RAB44: variants seen among roughly 807,000 people sequenced by gnomAD.
The protein encoded by RAB44 is RAB44, member RAS oncogene family.
A neutral mutation model predicts 93.3 loss-of-function variants in RAB44; 67 were observed. The ratio of observed to expected loss-of-function variants is 0.72; its 90% CI spans 0.59 to 0.88. RAB44 has a LOEUF of 0.88. Ranked by LOEUF, RAB44 falls within the 40% of genes least tolerant of loss-of-function variation. RAB44 has a pLI of 0.00. For synonymous variants in RAB44, 427 were observed against 520.3 expected, an observed-to-expected ratio of 0.82 and a Z score of 2.44; for missense variants, 1,064 against 1,261.7, an observed-to-expected ratio of 0.84 and a Z score of 2.37.
intron 2 of RAB44, among the ~76,000 whole-genome samples, chr6:36,709,110 AT>A (rs199524040): frequency 0.011 from 1,604 of 150,234 alleles, 15 homozygotes; most frequent in Non-Finnish European, 0.018. Context: ...ACCTCTGGCT[AT>A]TTTTTTTTAT....
At chr6:36,719,102 G>T (rs1763004943) in intron 7 of RAB44, among the ~76,000 whole-genome samples, 1 of 152,282 alleles carries the variant, frequency 6.6e-6, no homozygotes, top group African/African-American at 2.4e-5. Flanking sequence ...TGTATTTTTA[G>T]TAGAGATGGG....
intron 7 of RAB44, among the ~76,000 whole-genome samples, chr6:36,719,556 G>A (rs1212185111): frequency 6.6e-6 from 1 of 152,226 alleles, no homozygotes; most frequent in African/African-American, 2.4e-5. Flanking sequence ...ATCTAGTCAG[G>A]GAGACAGGTG....
At chr6:36,727,323 G>A (rs938045614) in intron 10 of RAB44, among the ~76,000 whole-genome samples, 2 of 152,196 alleles carry the variant, frequency 1.3e-5, no homozygotes, top group African/African-American at 4.8e-5. Flanking sequence ...TTGCCTCTGG[G>A]GAGGGGGACT....
At position 36,721,579 on chromosome 6, in the gene RAB44, G is replaced by A. The variant is rs1763082743; in HGVS notation, c.1445G>A (p.Trp482Ter). Reference sequence around the variant, plus strand: ...TCCACACCCGAGGGCCGCCTCCTCTGGGGTCTCTCAGGAAGCCTGGTGGCA... The same window carrying A: ...TCCACACCCGAGGGCCGCCTCCTCTAGGGTCTCTCAGGAAGCCTGGTGGCA... Reference protein sequence around the residue: ...PGSTPEGRLLWGLSGSLVAPA... With the variant: ...PGSTPEGRLL Residue 482 changes from tryptophan (W) to a stop codon, truncating the protein, a stop_gained, in exon 9 of 14, where the codon TGG becomes TAG. Transcript: ENST00000612677. LOFTEE classifies it high-confidence loss of function. The A allele has an allele frequency of 2.4e-6, 3 of 1,234,442 alleles. No individual in the cohort carries two copies. Among genetic ancestry groups the A allele is most frequent in the South Asian group, 4.1e-5 (1 of 24,410 alleles). The allele number at this position is 1,234,442 out of a possible 1,614,324, so 76.5% of individuals were successfully genotyped here. A position where few individuals can be genotyped will look rare whatever the true frequency, so the allele number is the denominator to read the frequency against.
chr6:36,704,943 A>G (rs1762607607), intron 2 of RAB44, among the ~76,000 whole-genome samples: 1 of 152,046 alleles, frequency 6.6e-6, no homozygotes, highest in Non-Finnish European at 1.5e-5. Context: ...AACATGGTGA[A>G]ACCCCGTCTC....
intron 1 of RAB44, among the ~76,000 whole-genome samples, chr6:36,698,292 A>G (rs1046110914): frequency 1.3e-5 from 2 of 152,148 alleles, no homozygotes; most frequent in Non-Finnish European, 2.9e-5. Context: ...ATTTACAGCT[A>G]TTGAAGCCAG....
Position 36,722,703 on chromosome 6 carries a change from T to C in RAB44, c.2569T>C (p.Ser857Pro). 1 of 1,550,566 alleles carries C rather than the reference T, an allele frequency of 6.4e-7. No individual in the cohort carries two copies. The highest frequency in any genetic ancestry group is 8.7e-7 in the Non-Finnish European group (1 of 1,146,984). ...CTTCCTGCACCTGCTGCACCAGAATTCTTTCGCCACCGGATTGACAGCTAC... is the reference window on the plus strand; with the variant it reads ...CTTCCTGCACCTGCTGCACCAGAATCCTTTCGCCACCGGATTGACAGCTAC... ...TSFLHLLHQN[S>P]FATGLTATVG... Residue 857 changes from serine to proline, a missense_variant, in exon 9 of 14, where the codon TCT becomes CCT. Coordinates refer to ENST00000612677, the MANE Select transcript of RAB44 (RefSeq NM_001257357.2).
Position 36,717,778 on chromosome 6 carries a change from C to T in RAB44, c.642-250C>T, listed in dbSNP as rs998853172. On this transcript the variant is annotated intron_variant, in intron 5 of 13. Coordinates refer to ENST00000612677, the MANE Select transcript of RAB44 (RefSeq NM_001257357.2). This position sits in a 1 kb window ranked among gnomAD's most constrained non-coding sequence, Gnocchi z 4.1. ...GATGGGGTGATGGGGACAATGAGAC[C>T]CTGGCCAGGGGAACTGGTGACGGTT... 2.9e-5 allele frequency among the ~76,000 whole-genome samples: 2 copies of T among 68,002 alleles called. No homozygotes were observed. The highest frequency in any genetic ancestry group is 7.5e-5 in the African/African-American group (2 of 26,646). 44.6% of individuals were successfully genotyped at this position (68,002 alleles called of 152,430 possible). A position where few individuals can be genotyped will look rare whatever the true frequency, so the allele number is the denominator to read the frequency against.
At chr6:36,727,101 C>T (rs1047975179) in intron 10 of RAB44, among the ~76,000 whole-genome samples, 2 of 151,820 alleles carry the variant, frequency 1.3e-5, no homozygotes, top group South Asian at 2.1e-4. Context: ...GTGCCCAGCC[C>T]GATAGGGAAA....
At position 36,724,182 on chromosome 6, in the gene RAB44, T is replaced by TA. The variant is rs1475005948; in HGVS notation, c.2599+1449_2599+1450insA. Among the ~76,000 whole-genome samples, 261 of 149,384 alleles carry TA rather than the reference T, an allele frequency of 1.7e-3. 1 individual carries two copies. Among genetic ancestry groups the TA allele is most frequent in the African/African-American group, 6.1e-3 (247 of 40,182 alleles). Reference sequence around the variant, plus strand: ...TTATTTATTTATTTATTTATTTATTTTTTGAGATGGAGTCTCGCCCTGTCA... The same window carrying TA: ...TTATTTATTTATTTATTTATTTATTTATTTGAGATGGAGTCTCGCCCTGTCA... On this transcript the variant is annotated intron_variant, in intron 9 of 13. Coordinates refer to ENST00000612677, the MANE Select transcript of RAB44 (RefSeq NM_001257357.2).
intron 3 of RAB44, among the ~76,000 whole-genome samples, chr6:36,715,118 T>TATATATATATATATATATATATA (rs1562058557): frequency 3.3e-5 from 5 of 151,602 alleles, no homozygotes; most frequent in African/African-American, 1.2e-4. Flanking sequence ...TATATATATA[T>TATATATATATATATATATATATA]TCTTTTCAAC....
chr6:36,716,260 G>A lies in RAB44; in HGVS notation c.494+607G>A, dbSNP rs1051704952. ...TGAGGCGGGTGGATCACCTGAGGTCGGGGGTTCCAGACCAGCCTGGCCAAC... is the reference window on the plus strand; with the variant it reads ...TGAGGCGGGTGGATCACCTGAGGTCAGGGGTTCCAGACCAGCCTGGCCAAC... On this transcript the variant is annotated intron_variant, in intron 4 of 13. Coordinates refer to ENST00000612677, the MANE Select transcript of RAB44 (RefSeq NM_001257357.2). Among the ~76,000 whole-genome samples, 5 of 152,068 alleles carry A rather than the reference G, an allele frequency of 3.3e-5. No individual in the cohort carries two copies. The East Asian group carries it at 9.7e-4, about 29-fold the overall frequency.
rs990644567 is a variant in RAB44, at chr6:36,717,801, G to A, written c.642-227G>A. ...ACCCTGGCCAGGGGAACTGGTGACG[G>A]TTACAAGGGTCGGCGTGGTAGGATC... On this transcript the variant is annotated intron_variant, in intron 5 of 13. Coordinates refer to ENST00000612677, the MANE Select transcript of RAB44 (RefSeq NM_001257357.2). This position sits in a 1 kb window ranked among gnomAD's most constrained non-coding sequence, Gnocchi z 4.1. Among the ~76,000 whole-genome samples the A allele has an allele frequency of 2.2e-5, 3 of 135,322 alleles. No homozygotes were observed. Among genetic ancestry groups the A allele is most frequent in the African/African-American group, 7.7e-5 (3 of 38,816 alleles). 88.8% of individuals were successfully genotyped at this position (135,322 alleles called of 152,430 possible).
At chr6:36,712,146 T>C (rs1413627979) in intron 2 of RAB44, among the ~76,000 whole-genome samples, 1 of 150,432 alleles carries the variant, frequency 6.6e-6, no homozygotes, top group Non-Finnish European at 1.5e-5. Flanking sequence ...CTACTAAAAA[T>C]ACAAAAACTA....
chr6:36,728,399 T>C (rs1218687236), intron 11 of RAB44, among the ~76,000 whole-genome samples: 2 of 152,062 alleles, frequency 1.3e-5, no homozygotes, highest in African/African-American at 4.8e-5. Flanking sequence ...ATGAGACAAT[T>C]GGGAAAATGT....
At chr6:36,720,776 A>G (rs1490764541) in intron 8 of RAB44, among the ~76,000 whole-genome samples, 1 of 152,258 alleles carries the variant, frequency 6.6e-6, no homozygotes, top group Admixed American at 6.5e-5. Flanking sequence ...GGCTAGAAGT[A>G]AAACATGCAC....
Position 36,717,593 on chromosome 6 carries a change from G to T in RAB44, c.641+174G>T, listed in dbSNP as rs932799609. Among the ~76,000 whole-genome samples, 4 of 152,198 alleles carry T rather than the reference G, an allele frequency of 2.6e-5. No individual in the cohort carries two copies. Among genetic ancestry groups the T allele is most frequent in the Non-Finnish European group, 5.9e-5 (4 of 68,028 alleles). On this transcript the variant is annotated intron_variant, in intron 5 of 13. Coordinates refer to ENST00000612677, the MANE Select transcript of RAB44 (RefSeq NM_001257357.2). This position sits in a 1 kb window ranked among gnomAD's most constrained non-coding sequence, Gnocchi z 4.1. ...GGACCGGGTGGGGAGGACAGAGTTG[G>T]TAATGGCAGGAGTGGGAAGGGCAGG...
chr6:36,729,206 C>T (rs1763304803), intron 12 of RAB44, among the ~76,000 whole-genome samples: 1 of 152,204 alleles, frequency 6.6e-6, no homozygotes, highest in Non-Finnish European at 1.5e-5. Flanking sequence ...CTAAGTTCTC[C>T]TATTTTAAGA....
rs763432128 is a variant in RAB44, at chr6:36,721,833, G to C, written c.1699G>C (p.Gly567Arg). The change falls in exon 9 of 14, where the codon GGA becomes CGA. Residue 567 changes from glycine to arginine, a missense_variant. Coordinates refer to ENST00000612677, the MANE Select transcript of RAB44 (RefSeq NM_001257357.2). ...CATGACTGAGCGGGAAACCCAGCCCGGACCCTCACCCACAACTGCCCTCAC... is the reference window on the plus strand; with the variant it reads ...CATGACTGAGCGGGAAACCCAGCCCCGACCCTCACCCACAACTGCCCTCAC... Reference protein sequence around the residue: ...PTMTERETQPGPSPTTALTGV... With the variant: ...PTMTERETQPRPSPTTALTGV... 1.8e-4 allele frequency: 223 copies of C among 1,234,530 alleles called. 3 individuals carry two copies. The South Asian group carries it at 4.2e-3, about 23-fold the overall frequency. 76.5% of individuals were successfully genotyped at this position (1,234,530 alleles called of 1,614,324 possible).
Sources: gnomAD v4.1 joint callset for allele counts (sites outside exome capture counted in the v4.1 genomes callset) on GRCh38, gnomAD v4.1.1 for gene constraint, Gnocchi (gnomAD v3.1) non-coding constraint, MANE v1.5 for transcripts, NCBI Gene and HGNC (gene_info 2026-07-23, HGNC 2026-07-21) for gene names.